HOXA2: variants seen among roughly 807,000 people sequenced by gnomAD.
HOXA2 encodes homeobox A2, also known as homeobox protein Hox-A2.
A neutral mutation model predicts 27.2 loss-of-function variants in HOXA2; 4 were observed. The ratio of observed to expected loss-of-function variants is 0.15; its 90% CI spans 0.07 to 0.34. HOXA2 has a LOEUF of 0.34. HOXA2 is among the 10% of genes least tolerant of loss of function. The pLI, the probability that HOXA2 is intolerant of heterozygous loss-of-function variation, is 1.00. For synonymous variants in HOXA2, 200 were observed against 202.8 expected (o/e 0.99, Z 0.12); for missense variants, 430 against 473.2 (o/e 0.91, Z 0.85).
rs1196981754 is a variant in HOXA2, at chr7:27,101,184, C to G, written c.673G>C (p.Glu225Gln). The G allele has an allele frequency of 1.2e-6, 2 of 1,614,162 alleles. No homozygotes were observed. Among genetic ancestry groups the G allele is most frequent in the Non-Finnish European group, 1.7e-6 (2 of 1,180,028 alleles). The change falls in exon 2 of 2, where the codon GAG becomes CAG. Residue 225 changes from glutamate (E) to glutamine (Q), a missense_variant. By Grantham distance (29) the Glu-to-Gln change is conservative (BLOSUM62 2). This residue lies in a region of HOXA2 where 236 missense variants were observed against 208.5 expected (regional missense o/e 1.13). Transcript: ENST00000222718. Reference protein sequence around the residue: ...KSLEDSEKVEEDEEEKTLFEQ... With the variant: ...KSLEDSEKVEQDEEEKTLFEQ... ...AAGAGCGTCTTCTCTTCCTCGTCCT[C>G]CTCTACTTTCTCGGAGTCCTCAAGG... is the stretch of plus-strand genomic sequence containing the variant.
chr7:27,102,628 G>GT lies in HOXA2; in HGVS notation c.-129dup, dbSNP rs912033646. The GT allele has an allele frequency of 1.7e-4, 149 of 875,632 alleles. No individual in the cohort carries two copies. Among genetic ancestry groups the GT allele is most frequent in the Middle Eastern group, 1.0e-3 (3 of 2,990 alleles). 54.2% of individuals were successfully genotyped at this position (875,632 alleles called of 1,614,324 possible). ...TATCATAGAATATCGCTGCTAGGGT[G>GT]TTTTTTTTCTAATTCACTGATTACA... is the stretch of plus-strand genomic sequence containing the variant. On this transcript the variant is annotated 5_prime_UTR_variant, in exon 1 of 2. Transcript: ENST00000222718. The surrounding 1 kb of genome is among the most constrained non-coding windows in gnomAD (Gnocchi z 4.6).
chr7:27,101,866 C>T (rs532648791), intron 1 of HOXA2: 93 of 712,704 alleles, frequency 1.3e-4, no homozygotes, highest in African/African-American at 1.2e-3. Flanking sequence ...CCACATTACA[C>T]AAGTTCGGGA....
chr7:27,101,960 A>C, intron 1 of HOXA2, 150 bp downstream of exon 1: 1 of 1,122,904 alleles, frequency 8.9e-7, no homozygotes, highest in Non-Finnish European at 1.3e-6. Context: ...CCCACTCCTG[A>C]ACCCACAGGG....
rs768054290 is a variant in HOXA2 at position 27,102,410 on chromosome 7, T to C, written c.91A>G (p.Thr31Ala). ...GTCTTGATTGATGAACTTTGAAATGTATCAGCGACAGGGGGAAAAGATGTC... is the reference window on the plus strand; with the variant it reads ...GTCTTGATTGATGAACTTTGAAATGCATCAGCGACAGGGGGAAAAGATGTC... ...CLTSFPPVAD[T>A]FQSSSIKTST... Residue 31 changes from threonine to alanine, a missense_variant, in exon 1 of 2, where the codon ACA becomes GCA. This residue lies in a region of HOXA2 where 166 missense variants were observed against 207.6 expected (regional missense o/e 0.80). Coordinates refer to ENST00000222718, the MANE Select transcript of HOXA2 (RefSeq NM_006735.4). This position sits in a 1 kb window ranked among gnomAD's most constrained non-coding sequence, Gnocchi z 4.6. 2 of 1,614,116 alleles carry C rather than the reference T, an allele frequency of 1.2e-6. No homozygotes were observed. Among genetic ancestry groups the C allele is most frequent in the South Asian group, 1.1e-5 (1 of 91,080 alleles).
rs1783927830 is a variant in HOXA2 at position 27,101,639 on chromosome 7, G to A, written c.392-174C>T. ...CTTTCCTGGGAGCCCAGCCTGGGCA[G>A]ACCCCGTCTCCTCCATCTCTATCGA... On this transcript the variant is annotated intron_variant, in intron 1 of 1. Coordinates refer to ENST00000222718, the MANE Select transcript of HOXA2 (RefSeq NM_006735.4). 7.9e-6 allele frequency: 6 copies of A among 760,142 alleles called. No individual in the cohort carries two copies. In the Admixed American group the frequency reaches 1.0e-4, roughly 13 times the overall value. The allele number at this position is 760,142 out of a possible 1,614,324, so 47.1% of individuals were successfully genotyped here. A position where few individuals can be genotyped will look rare whatever the true frequency, so the allele number is the denominator to read the frequency against.
intron 1 of HOXA2, 98 bp from the exon 2 acceptor site, chr7:27,101,563 T>C (rs1371534154): frequency 7.1e-7 from 1 of 1,411,546 alleles, no homozygotes; most frequent in Non-Finnish European, 9.8e-7. Flanking sequence ...GCAGAAAAGA[T>C]CAACTGCAAC....
intron 1 of HOXA2, chr7:27,101,779 C>T (rs1270572179): frequency 2.9e-6 from 2 of 684,190 alleles, no homozygotes; most frequent in South Asian, 3.0e-5. Context: ...CGATCTATCA[C>T]TCTTCATTAC....
chr7:27,101,401 G>T lies in HOXA2; in HGVS notation c.456C>A (p.Asn152Lys). 1 of 1,605,220 alleles carries T rather than the reference G, an allele frequency of 6.2e-7. No individual in the cohort carries two copies. The highest frequency in any genetic ancestry group is 8.5e-7 in the Non-Finnish European group (1 of 1,179,982). Reference sequence around the variant, plus strand: ...CTTTTTCCAGCTCTAGAAGCTGTGTGTTGGTGTAAGCAGTTCTCAGGCGCC... The same window carrying T: ...CTTTTTCCAGCTCTAGAAGCTGTGTTTTGGTGTAAGCAGTTCTCAGGCGCC... ...GSRRLRTAYTNTQLLELEKEF... is the reference protein window; with the variant it reads ...GSRRLRTAYTKTQLLELEKEF... Residue 152 changes from asparagine (N) to lysine (K), a missense_variant, in exon 2 of 2, where the codon AAC (asparagine) becomes AAA (lysine). Transcript: ENST00000222718.
chr7:27,102,630 T>G lies in HOXA2; in HGVS notation c.-130A>C, dbSNP rs1463321836. On this transcript the variant is annotated 5_prime_UTR_variant, in exon 1 of 2. Coordinates refer to ENST00000222718, the MANE Select transcript of HOXA2 (RefSeq NM_006735.4). This position sits in a 1 kb window ranked among gnomAD's most constrained non-coding sequence, Gnocchi z 4.6. ...TCATAGAATATCGCTGCTAGGGTGT[T>G]TTTTTTCTAATTCACTGATTACAGC... is the stretch of plus-strand genomic sequence containing the variant. The G allele has an allele frequency of 1.3e-5, 11 of 860,106 alleles. No homozygotes were observed. The highest frequency in any genetic ancestry group is 2.0e-5 in the Non-Finnish European group (11 of 543,776). The allele number at this position is 860,106 out of a possible 1,614,324, so 53.3% of individuals were successfully genotyped here.
Position 27,100,475 on chromosome 7 carries a change from A to G in HOXA2, c.*251T>C, listed in dbSNP as rs1174526302. ...ATGATCACTTTCTTGCAGGCCTCAT[A>G]CTGCTCTCAGGAATCACATAAAGGG... On this transcript the variant is annotated 3_prime_UTR_variant, in exon 2 of 2. Coordinates refer to ENST00000222718, the MANE Select transcript of HOXA2 (RefSeq NM_006735.4). 2 of 521,652 alleles carry G rather than the reference A, an allele frequency of 3.8e-6. No individual in the cohort carries two copies. Among genetic ancestry groups the G allele is most frequent in the Non-Finnish European group, 6.9e-6 (2 of 291,306 alleles). 32.3% of individuals were successfully genotyped at this position (521,652 alleles called of 1,614,324 possible). A position where few individuals can be genotyped will look rare whatever the true frequency, so the allele number is the denominator to read the frequency against.
chr7:27,101,752 G>T, intron 1 of HOXA2: 1 of 672,704 alleles, frequency 1.5e-6, no homozygotes, highest in African/African-American at 1.8e-5. Flanking sequence ...TGCGTCAGCT[G>T]CTTAGCTGAG....
In HOXA2 at chr7:27,101,525, G is replaced by A. The variant is rs1030820881; in HGVS notation, c.392-60C>T. The A allele has an allele frequency of 3.2e-6, 5 of 1,573,634 alleles. No individual in the cohort carries two copies. The African/African-American group carries it at 5.4e-5, about 17-fold the overall frequency. On this transcript the variant is annotated intron_variant, in intron 1 of 1. Coordinates refer to ENST00000222718, the MANE Select transcript of HOXA2 (RefSeq NM_006735.4). Reference sequence around the variant, plus strand: ...CAGTTGGAGGTGGAGGGGTCCGAGCGGGGTTATTCCACTGGAGAATAAATA... The same window carrying A: ...CAGTTGGAGGTGGAGGGGTCCGAGCAGGGTTATTCCACTGGAGAATAAATA...
chr7:27,101,070 T>C lies in HOXA2; in HGVS notation c.787A>G (p.Asn263Asp), dbSNP rs763328645. 8.7e-6 allele frequency: 14 copies of C among 1,614,252 alleles called. No homozygotes were observed. In the South Asian group the frequency reaches 1.4e-4, roughly 16 times the overall value. Residue 263 changes from asparagine to aspartate, a missense_variant, in exon 2 of 2, where the codon AAT (asparagine) becomes GAT (aspartate). This residue lies in a region of HOXA2 where 236 missense variants were observed against 208.5 expected (regional missense o/e 1.13). Coordinates refer to ENST00000222718, the MANE Select transcript of HOXA2 (RefSeq NM_006735.4). ...CTTTGGGAGTCGCCATTGTGTCCAT[T>C]GGGAGCCTGCTGCTGAGAGAGGGCA... ...QNALSQQQAP[N>D]GHNGDSQSFP... is the part of the protein sequence containing the mutation.
rs773638633 is a variant in HOXA2 at position 27,101,320 on chromosome 7, C to G, written c.537G>C (p.Leu179=). The stretch of plus-strand genomic sequence containing the variant: ...TCACTTGTCTCTCAGTCAAATCCAG[C>G]AGCGCTGCAATCTCCACCCTTCGGG... ...CRPRRVEIAA[L]LDLTERQVKV... is the part of the protein sequence containing the mutation. The change falls in exon 2 of 2, where the codon CTG becomes CTC. Residue 179 remains leucine, a synonymous_variant. Coordinates refer to ENST00000222718, the MANE Select transcript of HOXA2 (RefSeq NM_006735.4). 1 of 1,614,018 alleles carries G rather than the reference C, an allele frequency of 6.2e-7. No homozygotes were observed. The highest frequency in any genetic ancestry group is 1.3e-5 in the African/African-American group (1 of 74,926).
rs200775678 is a variant in HOXA2, at chr7:27,100,696, T to C, written c.*30A>G. ...ACCACCTGGTCAAAGGAGTTTTTGT[T>C]TGGTGATGCTTTGTTTTGCTTTAAT... On this transcript the variant is annotated 3_prime_UTR_variant, in exon 2 of 2. Coordinates refer to ENST00000222718, the MANE Select transcript of HOXA2 (RefSeq NM_006735.4). 182 of 1,613,218 alleles carry C rather than the reference T, an allele frequency of 1.1e-4. 1 individual carries two copies. Among genetic ancestry groups the C allele is most frequent in the Non-Finnish European group, 2.4e-5 (28 of 1,179,694 alleles).
Position 27,100,873 on chromosome 7 carries a change from G to C in HOXA2, c.984C>G (p.Phe328Leu), listed in dbSNP as rs1562703043. Residue 328 changes from phenylalanine to leucine, a missense_variant, in exon 2 of 2, where the codon TTC becomes TTG. Phe to Leu is a conservative substitution (Grantham distance 22, BLOSUM62 0). Transcript: ENST00000222718. ...EVPSLQDFSV[F>L]STDSCLQLSD... ...AAAGCTGCAGGCAGGAATCTGTGGA[G>C]AAAACGCTAAAGTCCTGCAAAGAGG... The C allele has an allele frequency of 6.2e-7, 1 of 1,614,212 alleles. No individual in the cohort carries two copies. The highest frequency in any genetic ancestry group is 1.7e-5 in the Admixed American group (1 of 60,024).
chr7:27,102,188 T>C lies in HOXA2; in HGVS notation c.313A>G (p.Lys105Glu), dbSNP rs950463310. The C allele has an allele frequency of 1.9e-6, 3 of 1,555,476 alleles. No homozygotes were observed. The highest frequency in any genetic ancestry group is 2.6e-6 in the Non-Finnish European group (3 of 1,150,100). Reference sequence around the variant, plus strand: ...GCGGCCGGCAGAAGTGCGGTTTTCTTGGCCGCCTTCTTCTCCTTCATCCAG... The same window carrying C: ...GCGGCCGGCAGAAGTGCGGTTTTCTCGGCCGCCTTCTTCTCCTTCATCCAG... ...YPWMKEKKAA[K>E]KTALLPAAAA... The change falls in exon 1 of 2, where the codon AAG becomes GAG. Residue 105 changes from lysine to glutamate, a missense_variant. Physicochemically the swap from Lys to Glu is moderately conservative, Grantham distance 56. Around this residue, in one of 4 missense-constraint regions of HOXA2, gnomAD observed 166 missense variants for 207.6 expected, o/e 0.80. Coordinates refer to ENST00000222718, the MANE Select transcript of HOXA2 (RefSeq NM_006735.4). The surrounding 1 kb of genome is among the most constrained non-coding windows in gnomAD (Gnocchi z 4.6).
rs1274259376 is a variant in HOXA2 at position 27,100,488 on chromosome 7, A to G, written c.*238T>C. On this transcript the variant is annotated 3_prime_UTR_variant, in exon 2 of 2. Transcript: ENST00000222718. The stretch of plus-strand genomic sequence containing the variant: ...TGCAGGCCTCATACTGCTCTCAGGA[A>G]TCACATAAAGGGTTGTTGAGTTAGG... The G allele has an allele frequency of 1.8e-6, 1 of 542,638 alleles. No homozygotes were observed. Among genetic ancestry groups the G allele is most frequent in the Non-Finnish European group, 3.3e-6 (1 of 303,888 alleles). 33.6% of individuals were successfully genotyped at this position (542,638 alleles called of 1,614,324 possible).
At chr7:27,101,998 C>T (rs998894734) in intron 1 of HOXA2, 112 bp downstream of exon 1, 5 of 1,470,634 alleles carry the variant, frequency 3.4e-6, no homozygotes, top group Non-Finnish European at 9.2e-7. Context: ...AAGCATCTCT[C>T]CCTCTCCTCC....
Sources: gnomAD v4.1 joint callset for allele counts on GRCh38, gnomAD v4.1.1 for gene constraint, gnomAD v4.1.1 regional missense constraint, Gnocchi (gnomAD v3.1) non-coding constraint, MANE v1.5 for transcripts, NCBI Gene and HGNC (gene_info 2026-07-23, HGNC 2026-07-21) for gene names.